FCF1: variants seen among roughly 807,000 people sequenced by gnomAD.
The protein encoded by FCF1 is rRNA-processing protein FCF1 homolog.
FCF1 carries 17 observed loss-of-function variants against 32.5 expected under a neutral mutation model. The observed-to-expected ratio is 0.52, with a 90% CI of 0.36 to 0.78. FCF1 has a LOEUF of 0.78. Among genes scored for constraint, FCF1 ranks in the 30% least tolerant of loss-of-function variants. The pLI, the probability that FCF1 is intolerant of heterozygous loss-of-function variation, is 0.00. For missense variants in FCF1, 201 were observed against 241.1 expected (o/e 0.83, Z 1.10); for synonymous variants, 84 against 78.4 (o/e 1.07, Z -0.38).
intron 4 of FCF1, among the ~76,000 whole-genome samples, chr14:74,716,972 A>T (rs576103561): frequency 7.3e-4 from 111 of 152,246 alleles, no homozygotes; most frequent in South Asian, 2.5e-3. Flanking sequence ...AGATGAGAAG[A>T]TGGGGTTAAG....
chr14:74,728,860 C>G (rs1400768945), intron 5 of FCF1, among the ~76,000 whole-genome samples: 3 of 152,144 alleles, frequency 2.0e-5, no homozygotes, highest in Non-Finnish European at 4.4e-5. Flanking sequence ...TTGAGATAAT[C>G]ATGTGGTTTT....
chr14:74,730,611 T>G lies in FCF1; in HGVS notation c.366-2120T>G, dbSNP rs558526660. Among the ~76,000 whole-genome samples, 14 of 152,062 alleles carry G rather than the reference T, an allele frequency of 9.2e-5. No homozygotes were observed. In the South Asian group the frequency reaches 2.9e-3, roughly 32 times the overall value. ...CACCTATAATCCCAGCTACTAGGGA[T>G]GCTGAGGCAGGAGAATTGCTTGAGG... is the stretch of plus-strand genomic sequence containing the variant. On this transcript the variant is annotated intron_variant, in intron 5 of 7. Transcript: ENST00000341162.
intron 5 of FCF1, among the ~76,000 whole-genome samples, chr14:74,724,080 A>G (rs769303746): frequency 2.5e-4 from 38 of 152,232 alleles, no homozygotes; most frequent in Non-Finnish European, 4.4e-4. Flanking sequence ...AGTTAAGACC[A>G]TGAAGCAATG....
At chr14:74,716,200 G>T in intron 4 of FCF1, 101 bp downstream of exon 4, 2 of 1,146,820 alleles carry the variant, frequency 1.7e-6, no homozygotes, top group Non-Finnish European at 1.3e-6. Flanking sequence ...TAACTGAATT[G>T]CTGGCCATTT....
intron 4 of FCF1, among the ~76,000 whole-genome samples, chr14:74,716,646 TTTGTATA>T (rs911154596): frequency 5.3e-5 from 8 of 152,322 alleles, no homozygotes; most frequent in Non-Finnish European, 7.4e-5. Context: ...CCCTTGTGTA[TTTGTATA>T]TCCCCTCCTT....
chr14:74,730,567 A>G (rs965075786), intron 5 of FCF1, among the ~76,000 whole-genome samples: 4 of 152,110 alleles, frequency 2.6e-5, no homozygotes, highest in Non-Finnish European at 5.9e-5. Context: ...TACAAAAATT[A>G]GCTGGGGGTG....
chr14:74,737,230 C>G lies in FCF1; in HGVS notation c.*2300C>G, dbSNP rs551574511. ...ATTAACTGGGCGTGGTGGTGCAAGCCTGTAGTCCCAGCTACTTGGGAGGCT... is the reference window on the plus strand; with the variant it reads ...ATTAACTGGGCGTGGTGGTGCAAGCGTGTAGTCCCAGCTACTTGGGAGGCT... On this transcript the variant is annotated 3_prime_UTR_variant, in exon 8 of 8. Transcript: ENST00000341162. 1 of 152,358 alleles carries G rather than the reference C, an allele frequency of 6.6e-6. No homozygotes were observed. The highest frequency in any genetic ancestry group is 2.4e-5 in the African/African-American group (1 of 41,506). The allele number at this position is 152,358 out of a possible 1,614,324, so 9.4% of individuals were successfully genotyped here.
intron 4 of FCF1, among the ~76,000 whole-genome samples, chr14:74,719,626 A>C (rs1594783607): frequency 6.7e-6 from 1 of 149,842 alleles, no homozygotes; most frequent in East Asian, 2.0e-4. Context: ...TTAGCTGAGC[A>C]TGGTGGAGCA....
rs555273099 is a variant in FCF1 at position 74,713,213 on chromosome 14, G to T, written c.3+13G>T. 1.9e-6 allele frequency: 3 copies of T among 1,614,072 alleles called. No homozygotes were observed. Among genetic ancestry groups the T allele is most frequent in the Middle Eastern group, 1.6e-4 (1 of 6,084 alleles). On this transcript the variant is annotated intron_variant, in intron 1 of 7. Transcript: ENST00000341162. Reference sequence around the variant, plus strand: ...TGGCGTGACCATGGTGAGAGAAGACGGTCCAAGAAGGGACGTTATCAGGCC... The same window carrying T: ...TGGCGTGACCATGGTGAGAGAAGACTGTCCAAGAAGGGACGTTATCAGGCC...
intron 5 of FCF1, among the ~76,000 whole-genome samples, chr14:74,725,483 A>G (rs1367769831): frequency 1.2e-5 from 1 of 82,462 alleles, no homozygotes; most frequent in Non-Finnish European, 2.2e-5. Context: ...CTGTCTCCAA[A>G]AAAAAAAAAA....
chr14:74,716,091 A>G lies in FCF1; in HGVS notation c.284A>G (p.Tyr95Cys), dbSNP rs772504575. ...DLVQSMMDCL[Y>C]AKCIPCITDC... ...GTGCAGTCAATGATGGACTGTCTGT[A>G]TGCCAAGTGTGAGTATCATACTTTT... Residue 95 changes from tyrosine to cysteine, a missense_variant, in exon 4 of 8, where the codon TAT (tyrosine) becomes TGT (cysteine). Around this residue, in one of 3 missense-constraint regions of FCF1, gnomAD observed 121 missense variants for 147.8 expected, o/e 0.82. Transcript: ENST00000341162. 2.5e-6 allele frequency: 4 copies of G among 1,613,766 alleles called. No homozygotes were observed. The South Asian group carries it at 4.4e-5, about 18-fold the overall frequency.
At chr14:74,730,131 T>C (rs942650381) in intron 5 of FCF1, among the ~76,000 whole-genome samples, 3 of 151,966 alleles carry the variant, frequency 2.0e-5, no homozygotes, top group Non-Finnish European at 4.4e-5. Flanking sequence ...CAAGAACATA[T>C]GTGGAGTATA....
At chr14:74,724,271 G>A (rs1230048711) in intron 5 of FCF1, among the ~76,000 whole-genome samples, 2 of 152,054 alleles carry the variant, frequency 1.3e-5, no homozygotes, top group Non-Finnish European at 2.9e-5. Context: ...GGGTTTGGGG[G>A]GTTTTTTGTG....
intron 2 of FCF1, among the ~76,000 whole-genome samples, chr14:74,713,962 C>G (rs2090373850): frequency 1.3e-5 from 2 of 152,094 alleles, no homozygotes; most frequent in Non-Finnish European, 2.9e-5. Context: ...GCCTGGTACT[C>G]AAATATTTTT....
chr14:74,719,913 C>T (rs1488404469), intron 4 of FCF1, among the ~76,000 whole-genome samples: 3 of 151,786 alleles, frequency 2.0e-5, no homozygotes, highest in East Asian at 2.0e-4. Context: ...CCGAAGCACG[C>T]GGACTACCTG....
chr14:74,716,806 A>AT (rs2090427360), intron 4 of FCF1, among the ~76,000 whole-genome samples: 1 of 152,196 alleles, frequency 6.6e-6, no homozygotes, highest in African/African-American at 2.4e-5. Context: ...ACGAATGAAA[A>AT]TTAGACTTAA....
intron 5 of FCF1, among the ~76,000 whole-genome samples, chr14:74,724,549 G>C: frequency 6.6e-6 from 1 of 152,206 alleles, no homozygotes; most frequent in Non-Finnish European, 1.5e-5. Context: ...GCCTCTCAAA[G>C]TGCTGGGATT....
chr14:74,723,458 C>A, intron 5 of FCF1, 114 bp downstream of exon 5: 1 of 738,846 alleles, frequency 1.4e-6, no homozygotes, highest in Non-Finnish European at 2.2e-6. Flanking sequence ...AACTATTTAT[C>A]ATTTTTGGGG....
intron 4 of FCF1, among the ~76,000 whole-genome samples, chr14:74,721,616 G>A (rs868050437): frequency 1.3e-5 from 2 of 151,840 alleles, no homozygotes; most frequent in Non-Finnish European, 2.9e-5. Context: ...CAGGAGAATC[G>A]CTTGAACCTG....
Sources: allele counts gnomAD v4.1 joint callset (sites outside exome capture counted in the v4.1 genomes callset), GRCh38; gene constraint gnomAD v4.1.1; regional missense constraint gnomAD v4.1.1; transcripts MANE v1.5; gene names NCBI Gene and HGNC (gene_info 2026-07-23, HGNC 2026-07-21).